SLC4A10: variants seen among roughly 807,000 people sequenced by gnomAD.
SLC4A10 encodes the protein sodium-driven chloride bicarbonate exchanger.
In SLC4A10, 42 loss-of-function variants were observed where a neutral mutation model predicts 137.7. That is an observed-to-expected ratio of 0.30 (90% CI 0.24 to 0.39). The LOEUF is 0.39. SLC4A10 is among the 10% of genes least tolerant of loss of function. The pLI is 1.00. For synonymous variants in SLC4A10, 474 were observed against 464.1 expected (o/e 1.02, Z -0.27); for missense variants, 925 against 1,355.0 (o/e 0.68, Z 4.98).
At chr2:161,678,089 G>T (rs1035791016) in intron 1 of SLC4A10, among the ~76,000 whole-genome samples, 3 of 152,026 alleles carry the variant, frequency 2.0e-5, no homozygotes, top group Non-Finnish European at 4.4e-5. Flanking sequence ...CATTTTAAAT[G>T]TTAATTTTAG....
chr2:161,982,030 A>T (rs1043565206), intron 26 of SLC4A10, among the ~76,000 whole-genome samples: 2 of 152,254 alleles, frequency 1.3e-5, no homozygotes, highest in African/African-American at 4.8e-5. Flanking sequence ...TTGACCACTT[A>T]GAAAGTTGTA....
chr2:161,781,958 C>T (rs2053074078), intron 2 of SLC4A10, among the ~76,000 whole-genome samples: 1 of 152,042 alleles, frequency 6.6e-6, no homozygotes, highest in African/African-American at 2.4e-5. Context: ...TTTGTGCATC[C>T]AATACCCCAA....
chr2:161,915,741 T>A (rs552422297), intron 15 of SLC4A10, among the ~76,000 whole-genome samples: 1 of 152,228 alleles, frequency 6.6e-6, no homozygotes, highest in African/African-American at 2.4e-5. Flanking sequence ...CACTCCCTCC[T>A]GCAAGGGTTG....
chr2:161,638,321 T>C (rs2892770), intron 1 of SLC4A10, among the ~76,000 whole-genome samples: 118,437 of 152,048 alleles, frequency 0.78, 46,623 homozygotes, highest in East Asian at 0.85. Flanking sequence ...TGGTGATCCA[T>C]AGGGTTCTAG....
At chr2:161,920,895 A>G (rs1486166862) in intron 15 of SLC4A10, among the ~76,000 whole-genome samples, 2 of 152,226 alleles carry the variant, frequency 1.3e-5, no homozygotes, top group Non-Finnish European at 2.9e-5. Flanking sequence ...CTGATGGTAT[A>G]AAATGAATAC....
chr2:161,733,501 A>T (rs2125196081), intron 1 of SLC4A10, among the ~76,000 whole-genome samples: 1 of 152,376 alleles, frequency 6.6e-6, no homozygotes, highest in Admixed American at 6.5e-5. Context: ...TGCCTGGATG[A>T]CTAAGCAGAA....
intron 1 of SLC4A10, among the ~76,000 whole-genome samples, chr2:161,691,489 A>T (rs528351116): frequency 1.3e-5 from 2 of 152,272 alleles, no homozygotes; most frequent in South Asian, 4.1e-4. Context: ...TGTAACACAT[A>T]GAATAAATGC....
chr2:161,761,870 A>T (rs182838961), intron 1 of SLC4A10, among the ~76,000 whole-genome samples: 243 of 152,154 alleles, frequency 1.6e-3, no homozygotes, highest in African/African-American at 5.6e-3. Context: ...ACCCTCCCTG[A>T]CCTAACTGTG....
intron 1 of SLC4A10, among the ~76,000 whole-genome samples, chr2:161,660,563 T>TCTTC (rs2038165585): frequency 1.2e-5 from 1 of 81,078 alleles, no homozygotes; most frequent in African/African-American, 3.8e-5. Flanking sequence ...TATATTTCTT[T>TCTTC]CTTTCTTTCT....
intron 3 of SLC4A10, among the ~76,000 whole-genome samples, chr2:161,809,864 T>C (rs1289136822): frequency 1.3e-5 from 2 of 152,182 alleles, no homozygotes; most frequent in East Asian, 3.8e-4. Flanking sequence ...ATTTGGGCTC[T>C]TTTTTGATTC....
chr2:161,767,139 A>ATATGTG (rs1362865580), intron 1 of SLC4A10, among the ~76,000 whole-genome samples: 56 of 57,084 alleles, frequency 9.8e-4, no homozygotes, highest in South Asian at 1.8e-3. Context: ...ATATATATAT[A>ATATGTG]TGTGTGTGTG....
intron 1 of SLC4A10, among the ~76,000 whole-genome samples, chr2:161,659,322 G>GT (rs2037981871): frequency 6.6e-6 from 1 of 152,192 alleles, no homozygotes. Flanking sequence ...ACTTATAATT[G>GT]GGAACTAAAT....
intron 1 of SLC4A10, among the ~76,000 whole-genome samples, chr2:161,676,770 A>C (rs541458204): frequency 6.6e-6 from 1 of 152,160 alleles, no homozygotes; most frequent in African/African-American, 2.4e-5. Flanking sequence ...AAGTTGCTTC[A>C]CAGAAAAATA....
At position 161,712,552 on chromosome 2, in the gene SLC4A10, T is replaced by C. The variant is rs72875588; in HGVS notation, c.49-58421T>C. ...TAATTTTATTTCTTGGCATTTTTAT[T>C]CTAGATGAAACACTAAATGAAATAT... On this transcript the variant is annotated intron_variant, in intron 1 of 26. Transcript: ENST00000446997. 2.0e-5 allele frequency among the ~76,000 whole-genome samples: 3 copies of C among 151,970 alleles called. No individual in the cohort carries two copies. In the South Asian group the frequency reaches 6.2e-4, roughly 31 times the overall value.
rs1212672552 is a variant in SLC4A10 at position 161,759,972 on chromosome 2, T to C, written c.49-11001T>C. 3.3e-5 allele frequency among the ~76,000 whole-genome samples: 5 copies of C among 152,042 alleles called. No homozygotes were observed. In the East Asian group the frequency reaches 9.6e-4, roughly 29 times the overall value. ...TATTGTCTTGTTTCTTCTGTTTTGT[T>C]ATTTTGTCATTTCTTTGTAGGTGGC... On this transcript the variant is annotated intron_variant, in intron 1 of 26. Coordinates refer to ENST00000446997, the MANE Select transcript of SLC4A10 (RefSeq NM_001178015.2).
chr2:161,652,383 CTTG>C (rs949138496), intron 1 of SLC4A10, among the ~76,000 whole-genome samples: 6 of 151,832 alleles, frequency 4.0e-5, no homozygotes, highest in African/African-American at 1.5e-4. Context: ...GTAATTTTTT[CTTG>C]TTGTTTTGAG....
At chr2:161,897,098 G>C (rs2063584925) in intron 11 of SLC4A10, among the ~76,000 whole-genome samples, 1 of 151,902 alleles carries the variant, frequency 6.6e-6, no homozygotes, top group Non-Finnish European at 1.5e-5. Flanking sequence ...TCTTATATTT[G>C]TATTGCTTTT....
chr2:161,752,163 G>A (rs1203540143), intron 1 of SLC4A10, among the ~76,000 whole-genome samples: 1 of 151,958 alleles, frequency 6.6e-6, no homozygotes, highest in African/African-American at 2.4e-5. Context: ...AGTACATCTT[G>A]TGTTAAGTGC....
chr2:161,692,610 T>C (rs1195742341), intron 1 of SLC4A10, among the ~76,000 whole-genome samples: 1 of 152,048 alleles, frequency 6.6e-6, no homozygotes, highest in Non-Finnish European at 1.5e-5. Flanking sequence ...GAAAGACTCT[T>C]CAATCAGGTA....
Sources: gnomAD v4.1 joint callset for allele counts (sites outside exome capture counted in the v4.1 genomes callset) on GRCh38, gnomAD v4.1.1 for gene constraint, MANE v1.5 for transcripts, NCBI Gene and HGNC (gene_info 2026-07-23, HGNC 2026-07-21) for gene names.